ABTB3: variants seen among roughly 807,000 people sequenced by gnomAD.
The protein encoded by ABTB3 is ankyrin repeat- and BTB/POZ domain-containing protein 3.
chr12:107,349,397 G>GAGTAAGGT, the ABTB3 span, among the ~76,000 whole-genome samples: 7 of 152,322 alleles, frequency 4.6e-5, no homozygotes, highest in Non-Finnish European at 1.0e-4. Flanking sequence ...TGATGACTCA[G>GAGTAAGGT]AGTAAGGTGC....
At chr12:107,428,390 G>A in the ABTB3 span, among the ~76,000 whole-genome samples, 6 of 152,054 alleles carry the variant, frequency 3.9e-5, no homozygotes, top group Admixed American at 6.6e-5. Context: ...GGATGTCCTC[G>A]GGCCCCTGGA....
chr12:107,508,186 T>C, the ABTB3 span, among the ~76,000 whole-genome samples: 1 of 152,070 alleles, frequency 6.6e-6, no homozygotes, highest in African/African-American at 2.4e-5. Flanking sequence ...TGTTTTCTCC[T>C]GTATCTCCCA....
chr12:107,370,467 G>A, the ABTB3 span, among the ~76,000 whole-genome samples: 3 of 152,242 alleles, frequency 2.0e-5, no homozygotes, highest in Admixed American at 6.5e-5. Flanking sequence ...AGTCCTCAGA[G>A]TGTGGCTCTT....
At chr12:107,627,632 T>C in the ABTB3 span, among the ~76,000 whole-genome samples, 2 of 152,166 alleles carry the variant, frequency 1.3e-5, no homozygotes, top group African/African-American at 4.8e-5. Flanking sequence ...GAAGCAGACA[T>C]AGCCTGCAGC....
the ABTB3 span, chr12:107,319,258 G>T: frequency 1.3e-6 from 2 of 1,553,626 alleles, no homozygotes; most frequent in Non-Finnish European, 1.7e-6. Context: ...AGCTGGAGGC[G>T]CTGCTGCTGC....
chr12:107,433,964 T>C, the ABTB3 span, among the ~76,000 whole-genome samples: 1 of 152,184 alleles, frequency 6.6e-6, no homozygotes, highest in African/African-American at 2.4e-5. Context: ...TAAAGAGCTC[T>C]CTGGGGTCCA....
chr12:107,523,499 T>C, the ABTB3 span, among the ~76,000 whole-genome samples: 1 of 152,226 alleles, frequency 6.6e-6, no homozygotes. Context: ...CAAAGGAAAC[T>C]GATTACATTA....
chr12:107,347,459 C>G, the ABTB3 span, among the ~76,000 whole-genome samples: 1 of 147,822 alleles, frequency 6.8e-6, no homozygotes, highest in Non-Finnish European at 1.5e-5. Context: ...GCTGGCAGTT[C>G]ATCTGTGATG....
the ABTB3 span, among the ~76,000 whole-genome samples, chr12:107,353,356 A>C: frequency 6.6e-6 from 1 of 152,168 alleles, no homozygotes; most frequent in African/African-American, 2.4e-5. Flanking sequence ...AGACTGAGAG[A>C]TGCTCAAGGA....
the ABTB3 span, among the ~76,000 whole-genome samples, chr12:107,360,203 G>T: frequency 6.6e-6 from 1 of 152,204 alleles, no homozygotes; most frequent in Non-Finnish European, 1.5e-5. Flanking sequence ...GTAATGAAAG[G>T]CTTCCCAGGG....
chr12:107,367,937 G>C, the ABTB3 span, among the ~76,000 whole-genome samples: 1 of 152,204 alleles, frequency 6.6e-6, no homozygotes, highest in African/African-American at 2.4e-5. Context: ...TGCTTTCTGT[G>C]TGTGTGTTAT....
chr12:107,491,495 T>C, the ABTB3 span, among the ~76,000 whole-genome samples: 3 of 152,072 alleles, frequency 2.0e-5, no homozygotes, highest in African/African-American at 7.2e-5. Flanking sequence ...CAGAAAGCAG[T>C]CCAGTGTGAA....
the ABTB3 span, among the ~76,000 whole-genome samples, chr12:107,370,989 G>A: frequency 3.3e-5 from 5 of 151,896 alleles, no homozygotes; most frequent in Non-Finnish European, 7.4e-5. Context: ...TTATCTCAGC[G>A]GGCATTGTCC....
chr12:107,483,356 T>C, the ABTB3 span, among the ~76,000 whole-genome samples: 2 of 152,164 alleles, frequency 1.3e-5, no homozygotes, highest in Non-Finnish European at 2.9e-5. Flanking sequence ...TTGATGCTTA[T>C]TTTTATCCTT....
the ABTB3 span, among the ~76,000 whole-genome samples, chr12:107,328,428 A>C: frequency 6.6e-6 from 1 of 152,216 alleles, no homozygotes; most frequent in African/African-American, 2.4e-5. Flanking sequence ...TTCTATACTG[A>C]AAGTGGAGTG....
chr12:107,544,199 T>A, the ABTB3 span: 2 of 1,536,588 alleles, frequency 1.3e-6, no homozygotes, highest in Non-Finnish European at 1.8e-6. Context: ...GTGGGGCAAG[T>A]GTCCAGGATG....
the ABTB3 span, among the ~76,000 whole-genome samples, chr12:107,656,600 A>G: frequency 6.6e-6 from 1 of 152,266 alleles, no homozygotes; most frequent in Admixed American, 6.5e-5. Flanking sequence ...TTCTGTTAGT[A>G]ATTAGTTGTG....
the ABTB3 span, among the ~76,000 whole-genome samples, chr12:107,340,650 C>T: frequency 6.6e-6 from 1 of 151,874 alleles, no homozygotes; most frequent in East Asian, 1.9e-4. Flanking sequence ...CATGAAGCAT[C>T]GATGCAACCC....
chr12:107,466,789 C>T, the ABTB3 span, among the ~76,000 whole-genome samples: 1 of 151,924 alleles, frequency 6.6e-6, no homozygotes, highest in Admixed American at 6.6e-5. Context: ...TGAGCAGGGC[C>T]AAGGAGTTCA....
Sources: gnomAD v4.1 joint callset for allele counts (sites outside exome capture counted in the v4.1 genomes callset) on GRCh38, gnomAD v4.1.1 for gene constraint, MANE v1.5 for transcripts, NCBI Gene and HGNC (gene_info 2026-07-23, HGNC 2026-07-21) for gene names.